Variants in GMDS observed in about 807,000 individuals in gnomAD.
GMDS encodes GDP-mannose 4,6-dehydratase.
In GMDS, 20 loss-of-function variants were observed where a neutral mutation model predicts 49.9. That is an observed-to-expected ratio of 0.40 (90% confidence interval 0.28 to 0.58). The LOEUF (loss-of-function observed/expected upper bound fraction) is 0.58. Ranked by LOEUF, GMDS falls within the 20% of genes least tolerant of loss-of-function variation. GMDS has a pLI of 0.42. For missense variants in GMDS, 362 were observed against 481.4 expected, an observed-to-expected ratio of 0.75 and a Z score of 2.32; for synonymous variants, 177 against 178.6, an observed-to-expected ratio of 0.99 and a Z score of 0.07.
intron 9 of GMDS, among the ~76,000 whole-genome samples, chr6:1,695,645 C>T (rs1049053010): frequency 1.3e-5 from 2 of 152,178 alleles, no homozygotes; most frequent in African/African-American, 4.8e-5. Context: ...CTGGAAGTAG[C>T]TCTTGGCAGA....
intron 7 of GMDS, among the ~76,000 whole-genome samples, chr6:1,794,256 G>C (rs1269992368): frequency 6.6e-6 from 1 of 151,930 alleles, no homozygotes; most frequent in African/African-American, 2.4e-5. Flanking sequence ...ATTTACGTAT[G>C]TCTACTCTAA....
rs1012431424 is a variant in GMDS, at chr6:1,908,282, C to T, written c.771+21821G>A. 2.0e-5 allele frequency among the ~76,000 whole-genome samples: 3 copies of T among 152,152 alleles called. No homozygotes were observed. The South Asian group carries it at 6.2e-4, about 32-fold the overall frequency. ...AACTTATGAATTATTTCTGTAATTT[C>T]CCATTTAATATTTTCAGATCACGGT... On this transcript the variant is annotated intron_variant, in intron 7 of 10. Transcript: ENST00000380815.
At chr6:1,961,032 G>C (rs116592320) in intron 4 of GMDS, 66 bp from the exon 5 acceptor site, 1 of 864,620 alleles carries the variant, frequency 1.2e-6, no homozygotes, top group East Asian at 2.5e-5. Flanking sequence ...CTGTCAGCAG[G>C]AACAAAGACT....
intron 7 of GMDS, among the ~76,000 whole-genome samples, chr6:1,787,900 T>C (rs886148078): frequency 6.6e-6 from 1 of 152,192 alleles, no homozygotes; most frequent in Non-Finnish European, 1.5e-5. Flanking sequence ...GACTGAAATG[T>C]GGACCTCCGC....
chr6:1,847,939 G>A (rs1013760841), intron 7 of GMDS, among the ~76,000 whole-genome samples: 5 of 152,122 alleles, frequency 3.3e-5, no homozygotes, highest in African/African-American at 1.2e-4. Context: ...CGAGATATAT[G>A]AAAGAGAAGT....
chr6:2,052,039 C>A (rs189007066), intron 4 of GMDS, among the ~76,000 whole-genome samples: 27 of 149,512 alleles, frequency 1.8e-4, no homozygotes, highest in Admixed American at 1.7e-3. Flanking sequence ...ATCGCTTGAA[C>A]CTGGGAGGTG....
intron 6 of GMDS, among the ~76,000 whole-genome samples, chr6:1,955,936 T>C (rs1179148644): frequency 1.3e-5 from 2 of 152,158 alleles, no homozygotes; most frequent in African/African-American, 2.4e-5. Flanking sequence ...GTTTCATACA[T>C]CACTGACAAC....
At chr6:2,244,912 G>C (rs1237173251) in intron 1 of GMDS, among the ~76,000 whole-genome samples, 2 of 152,148 alleles carry the variant, frequency 1.3e-5, no homozygotes, top group East Asian at 3.9e-4. Context: ...CCCTTGAGCC[G>C]AGACACATCA....
chr6:1,747,669 T>C (rs7740666), intron 7 of GMDS, among the ~76,000 whole-genome samples: 84,467 of 152,088 alleles, frequency 0.56, 24,154 homozygotes, highest in African/African-American at 0.68. Flanking sequence ...AGTAGCTGTT[T>C]TCATGATGGC....
At chr6:1,837,977 T>C (rs1757000802) in intron 7 of GMDS, among the ~76,000 whole-genome samples, 1 of 152,208 alleles carries the variant, frequency 6.6e-6, no homozygotes, top group South Asian at 2.1e-4. Context: ...AATAAAAGCA[T>C]TGCTATTTTT....
In GMDS at chr6:1,725,390, A is replaced by G. The variant is rs561973908; in HGVS notation, c.987+1026T>C. ...AAATTCGCCCATCCATCTAGCAATC[A>G]GTCAGTATTTATTAAGTACCTACCT... On this transcript the variant is annotated intron_variant, in intron 9 of 10. Coordinates refer to ENST00000380815, the MANE Select transcript of GMDS (RefSeq NM_001500.4). Among the ~76,000 whole-genome samples the G allele has an allele frequency of 2.6e-5, 4 of 152,286 alleles. No individual in the cohort carries two copies. The South Asian group carries it at 8.3e-4, about 32-fold the overall frequency.
chr6:1,700,156 G>C (rs1220488535), intron 9 of GMDS, among the ~76,000 whole-genome samples: 1 of 152,168 alleles, frequency 6.6e-6, no homozygotes, highest in Non-Finnish European at 1.5e-5. Context: ...TCAAAGTGCA[G>C]GGAAAGGAAC....
At chr6:2,011,400 G>T (rs1296348786) in intron 4 of GMDS, among the ~76,000 whole-genome samples, 1 of 152,106 alleles carries the variant, frequency 6.6e-6, no homozygotes, top group African/African-American at 2.4e-5. Flanking sequence ...ATTTCTCAAA[G>T]AACTGAAAAT....
At chr6:1,790,151 A>G (rs1054119281) in intron 7 of GMDS, among the ~76,000 whole-genome samples, 2 of 152,072 alleles carry the variant, frequency 1.3e-5, no homozygotes, top group African/African-American at 4.8e-5. Context: ...TATCAATCCT[A>G]CTCACTTGGT....
At chr6:1,732,433 A>C (rs1243748983) in intron 8 of GMDS, among the ~76,000 whole-genome samples, 1 of 152,248 alleles carries the variant, frequency 6.6e-6, no homozygotes, top group Non-Finnish European at 1.5e-5. Context: ...ACTTGACTCC[A>C]AAATTAAAAC....
chr6:1,976,011 A>G (rs1764878790), intron 4 of GMDS, among the ~76,000 whole-genome samples: 1 of 152,194 alleles, frequency 6.6e-6, no homozygotes, highest in Non-Finnish European at 1.5e-5. Context: ...CTCAAGAAAA[A>G]TGTTCCAGGA....
intron 7 of GMDS, among the ~76,000 whole-genome samples, chr6:1,785,633 G>C (rs541106566): frequency 2.0e-5 from 3 of 152,200 alleles, no homozygotes; most frequent in African/African-American, 4.8e-5. Flanking sequence ...TGCCTGCCAC[G>C]ACCTGCCTCA....
At chr6:1,694,618 T>C (rs62388307) in intron 9 of GMDS, among the ~76,000 whole-genome samples, 11,968 of 152,250 alleles carry the variant, frequency 0.079, 532 homozygotes, top group East Asian at 0.13. Context: ...TCTGCACACA[T>C]GTATATGCCT....
intron 9 of GMDS, among the ~76,000 whole-genome samples, chr6:1,661,487 G>A (rs746531086): frequency 1.2e-4 from 19 of 152,160 alleles, no homozygotes; most frequent in South Asian, 4.1e-4. Flanking sequence ...CAGGTTAAGC[G>A]GCTTGCTTGA....
Sources: allele counts gnomAD v4.1 joint callset (sites outside exome capture counted in the v4.1 genomes callset), GRCh38; gene constraint gnomAD v4.1.1; transcripts MANE v1.5; gene names NCBI Gene and HGNC (gene_info 2026-07-23, HGNC 2026-07-21).